The following CCDC180 variants were observed in gnomAD, a reference collection of about 807,000 sequenced individuals.
CCDC180 encodes the protein coiled-coil domain-containing protein 180.
A neutral mutation model predicts 209.2 loss-of-function variants in CCDC180; 154 were observed. That is an observed-to-expected ratio of 0.74 (90% confidence interval 0.65 to 0.84). The LOEUF is 0.84. Among genes scored for constraint, CCDC180 ranks in the 40% least tolerant of loss-of-function variants. CCDC180 has a pLI of 0.00. For synonymous variants in CCDC180, 778 were observed against 749.1 expected (o/e 1.04, Z -0.63); for missense variants, 1,874 against 1,997.3 (o/e 0.94, Z 1.18).
intron 15 of CCDC180, 70 bp downstream of exon 15, chr9:97,326,739 T>G: frequency 1.0e-6 from 1 of 986,976 alleles, no homozygotes; most frequent in Non-Finnish European, 1.6e-6. Context: ...AAGGGCAGCC[T>G]GCCCAAGAGC....
At chr9:97,352,271 C>G (rs1053063245) in intron 22 of CCDC180, among the ~76,000 whole-genome samples, 19 of 152,092 alleles carry the variant, frequency 1.2e-4, no homozygotes, top group Non-Finnish European at 2.4e-4. Context: ...CCTCTTCATA[C>G]GAGAGTGAGA....
chr9:97,340,478 T>C (rs1273021994), intron 18 of CCDC180, among the ~76,000 whole-genome samples: 1 of 152,244 alleles, frequency 6.6e-6, no homozygotes, highest in Non-Finnish European at 1.5e-5. Flanking sequence ...GGATCTTAGA[T>C]ATGATTATAT....
rs754108206 is a variant in CCDC180 at position 97,362,377 on chromosome 9, C to T, written c.3838C>T (p.Arg1280Trp). ...PSSPKGFKRH[R>W]CQPENSGKKA... ...GTCACCCAAAGGCTTCAAGCGACATCGGTGCCAGCCAGAAAACTCTGGGAA... is the reference window on the plus strand; with the variant it reads ...GTCACCCAAAGGCTTCAAGCGACATTGGTGCCAGCCAGAAAACTCTGGGAA... The change falls in exon 28 of 37, where the codon CGG (arginine) becomes TGG (tryptophan). Residue 1280 changes from arginine to tryptophan, a missense_variant. Physicochemically the swap from Arg to Trp is moderately radical, Grantham distance 101. Transcript: ENST00000529487. 34 of 1,613,956 alleles carry T rather than the reference C, an allele frequency of 2.1e-5. No individual in the cohort carries two copies. Among genetic ancestry groups the T allele is most frequent in the South Asian group, 1.8e-4 (16 of 91,074 alleles).
At chr9:97,369,803 C>A in intron 31 of CCDC180, 119 bp from the exon 32 acceptor site, 3 of 1,089,184 alleles carry the variant, frequency 2.8e-6, no homozygotes, top group Non-Finnish European at 4.0e-6. Context: ...GCTCTTACCA[C>A]GTTGGAGACC....
At chr9:97,343,241 A>G in intron 18 of CCDC180, 99 bp from the exon 19 acceptor site, 1 of 733,378 alleles carries the variant, frequency 1.4e-6, no homozygotes, top group East Asian at 2.7e-5. Flanking sequence ...TCTTGGCCCA[A>G]AATTTGGTTT....
At chr9:97,364,345 A>T (rs1305199113) in intron 29 of CCDC180, 3 of 505,020 alleles carry the variant, frequency 5.9e-6, no homozygotes, top group Non-Finnish European at 1.0e-5. Flanking sequence ...ACATTTTCCA[A>T]GCTAACAAGC....
chr9:97,374,610 G>C lies in CCDC180; in HGVS notation c.4668G>C (p.Lys1556Asn). 3 of 1,614,142 alleles carry C rather than the reference G, an allele frequency of 1.9e-6. No homozygotes were observed. Among genetic ancestry groups the C allele is most frequent in the Non-Finnish European group, 2.5e-6 (3 of 1,180,040 alleles). ...IRRKLAGLSLKEESEKPLIER... is the reference protein window; with the variant it reads ...IRRKLAGLSLNEESEKPLIER... ...GGAAACTCGCTGGGCTCTCCCTGAA[G>C]GAAGAGAGTGAGAAACCCCTGATTG... Residue 1556 changes from lysine (K) to asparagine (N), a missense_variant, in exon 35 of 37, where the codon AAG (lysine) becomes AAC (asparagine). By Grantham distance (94) the Lys-to-Asn change is moderately conservative. Coordinates refer to ENST00000529487, the MANE Select transcript of CCDC180 (RefSeq NM_020893.6).
chr9:97,307,905 G>T, intron 1 of CCDC180, 78 bp from the exon 2 acceptor site: 1 of 1,587,852 alleles, frequency 6.3e-7, no homozygotes, highest in South Asian at 1.1e-5. Context: ...GTCCTGCCCT[G>T]GGGTGCCGCC....
chr9:97,347,784 C>T, intron 20 of CCDC180: 2 of 279,350 alleles, frequency 7.2e-6, no homozygotes, highest in Non-Finnish European at 6.8e-6. Context: ...CCCAGATCTG[C>T]TCATACACCT....
chr9:97,316,505 C>G (rs754956299), intron 8 of CCDC180, among the ~76,000 whole-genome samples: 7 of 152,174 alleles, frequency 4.6e-5, no homozygotes, highest in Non-Finnish European at 4.4e-5. Context: ...GGAAGTTACT[C>G]TCATCTAAGC....
At chr9:97,325,294 C>T in intron 14 of CCDC180, 102 bp downstream of exon 14, 1 of 1,236,454 alleles carries the variant, frequency 8.1e-7, no homozygotes, top group African/African-American at 1.5e-5. Context: ...GAAATTTGTG[C>T]AGATGGGGAC....
intron 16 of CCDC180, 56 bp from the exon 17 acceptor site, chr9:97,330,098 G>A (rs935359083): frequency 3.1e-6 from 4 of 1,286,116 alleles, no homozygotes; most frequent in South Asian, 2.5e-5. Context: ...AAGGTGGGGG[G>A]CACTCTGAAG....
At chr9:97,324,009 G>GT (rs1833443598) in intron 13 of CCDC180, 106 bp downstream of exon 13, 2 of 1,334,526 alleles carry the variant, frequency 1.5e-6, no homozygotes, top group Non-Finnish European at 2.0e-6. Flanking sequence ...CATGTTCCTA[G>GT]TGTGTCCGCT....
chr9:97,328,922 C>T (rs965105777), intron 16 of CCDC180, among the ~76,000 whole-genome samples: 5 of 152,172 alleles, frequency 3.3e-5, no homozygotes, highest in South Asian at 2.1e-4. Context: ...AATTCAGACA[C>T]AATAAATGCT....
rs138951791 is a variant in CCDC180, at chr9:97,329,973, C to T, written c.1789-181C>T. ...GTCCCAGCTACTCGGGAGGCTGAGGCGGGAGAATGGTGTGAACCTGGGAGG... is the reference window on the plus strand; with the variant it reads ...GTCCCAGCTACTCGGGAGGCTGAGGTGGGAGAATGGTGTGAACCTGGGAGG... On this transcript the variant is annotated intron_variant, in intron 16 of 36. Coordinates refer to ENST00000529487, the MANE Select transcript of CCDC180 (RefSeq NM_020893.6). Among the ~76,000 whole-genome samples, 15 of 145,794 alleles carry T rather than the reference C, an allele frequency of 1.0e-4. 1 individual carries two copies. Among genetic ancestry groups the T allele is most frequent in the South Asian group, 2.3e-4 (1 of 4,378 alleles).
chr9:97,345,604 A>G (rs773202414), intron 19 of CCDC180: 1 of 414,976 alleles, frequency 2.4e-6, no homozygotes, highest in South Asian at 1.7e-5. Flanking sequence ...TATATTCTGT[A>G]GCCGGGCATG....
chr9:97,350,300 G>C (rs1826387644), intron 21 of CCDC180, 109 bp from the exon 22 acceptor site: 1 of 1,089,484 alleles, frequency 9.2e-7, no homozygotes, highest in Admixed American at 2.3e-5. Flanking sequence ...TCATTATCGT[G>C]ACCGGCCCCT....
intron 10 of CCDC180, among the ~76,000 whole-genome samples, 168 bp from the exon 11 acceptor site, chr9:97,319,958 C>T (rs1833302707): frequency 6.6e-6 from 1 of 152,088 alleles, no homozygotes; most frequent in Non-Finnish European, 1.5e-5. Flanking sequence ...ATTAAAAGAC[C>T]TTTCAGCCAT....
chr9:97,320,634 A>G (rs1833328183), intron 11 of CCDC180, among the ~76,000 whole-genome samples: 1 of 152,180 alleles, frequency 6.6e-6, no homozygotes, highest in Non-Finnish European at 1.5e-5. Flanking sequence ...AAGAGGAGTA[A>G]TAATGGTCCC....
Sources: gnomAD v4.1 joint callset for allele counts (sites outside exome capture counted in the v4.1 genomes callset) on GRCh38, gnomAD v4.1.1 for gene constraint, MANE v1.5 for transcripts, NCBI Gene and HGNC (gene_info 2026-07-23, HGNC 2026-07-21) for gene names.